FBXW11: variants seen among roughly 807,000 people sequenced by gnomAD.
The protein encoded by FBXW11 is F-box/WD repeat-containing protein 11.
In FBXW11, 19 loss-of-function variants were observed where a neutral mutation model predicts 77.6. The ratio of observed to expected loss-of-function variants is 0.24; its 90% CI spans 0.17 to 0.36. The LOEUF is 0.36. Ranked by LOEUF, FBXW11 falls within the 10% of genes least tolerant of loss-of-function variation. FBXW11 has a pLI of 1.00. For synonymous variants in FBXW11, 235 were observed against 249.4 expected, an observed-to-expected ratio of 0.94 and a Z score of 0.54; for missense variants, 334 against 704.2, an observed-to-expected ratio of 0.47 and a Z score of 5.95.
chr5:171,991,526 A>G (rs902253784), intron 1 of FBXW11, among the ~76,000 whole-genome samples: 2 of 152,226 alleles, frequency 1.3e-5, no homozygotes, highest in Admixed American at 6.5e-5. Context: ...ATAAGCACAC[A>G]TATCACAGCA....
At chr5:171,943,463 T>C (rs1581234957) in intron 2 of FBXW11, among the ~76,000 whole-genome samples, 1 of 152,128 alleles carries the variant, frequency 6.6e-6, no homozygotes, top group East Asian at 1.9e-4. Context: ...GATCTTCTTT[T>C]TTAGTTTTTA....
intron 1 of FBXW11, among the ~76,000 whole-genome samples, chr5:171,965,452 G>A (rs2113374961): frequency 6.6e-6 from 1 of 151,776 alleles, no homozygotes; most frequent in East Asian, 1.9e-4. Context: ...CTTGAACCCA[G>A]GAGGCAGAGG....
intron 1 of FBXW11, among the ~76,000 whole-genome samples, chr5:171,994,841 C>A (rs1236576578): frequency 6.6e-6 from 1 of 152,102 alleles, no homozygotes; most frequent in Non-Finnish European, 1.5e-5. Flanking sequence ...AGTTTGAGAC[C>A]AGCCTGGCCA....
chr5:171,876,638 GTCTGAC>G lies in FBXW11; in HGVS notation c.972-110_972-105del. 1 of 1,403,670 alleles carries G rather than the reference GTCTGAC, an allele frequency of 7.1e-7. No homozygotes were observed. The highest frequency in any genetic ancestry group is 9.8e-7 in the Non-Finnish European group (1 of 1,024,684). 87.0% of individuals were successfully genotyped at this position (1,403,670 alleles called of 1,614,324 possible). ...GTCTGCAATGGTTTGGATATAGTTT[GTCTGAC>G]TCTACCAAATCTCATGTTGAAATTG... On this transcript the variant is annotated intron_variant, in intron 8 of 13. Transcript: ENST00000517395. The surrounding 1 kb of genome is among the most constrained non-coding windows in gnomAD (Gnocchi z 4.2).
intron 1 of FBXW11, among the ~76,000 whole-genome samples, chr5:171,993,868 A>C (rs1018446514): frequency 6.6e-6 from 1 of 152,230 alleles, no homozygotes; most frequent in East Asian, 1.9e-4. Flanking sequence ...AATTAAAATT[A>C]AAAATTCAGT....
intron 4 of FBXW11, among the ~76,000 whole-genome samples, chr5:171,907,030 G>A (rs1208410241): frequency 1.3e-5 from 2 of 152,192 alleles, no homozygotes; most frequent in Admixed American, 1.3e-4. Flanking sequence ...CCTTTTTGAA[G>A]TACAATCTGT....
chr5:171,900,905 T>C (rs1760073394), intron 4 of FBXW11, among the ~76,000 whole-genome samples: 1 of 152,180 alleles, frequency 6.6e-6, no homozygotes, highest in African/African-American at 2.4e-5. Flanking sequence ...AATGGGAAGA[T>C]GATCAACATG....
intron 1 of FBXW11, among the ~76,000 whole-genome samples, chr5:171,991,677 T>G (rs1323479778): frequency 6.6e-6 from 1 of 152,232 alleles, no homozygotes; most frequent in African/African-American, 2.4e-5. Context: ...TGAGTTTGCA[T>G]AAATGTACAT....
At chr5:171,888,994 T>C (rs992735594) in intron 7 of FBXW11, among the ~76,000 whole-genome samples, 1 of 152,000 alleles carries the variant, frequency 6.6e-6, no homozygotes, top group Non-Finnish European at 1.5e-5. Context: ...GGAACAAAGA[T>C]TGAAAACAAT....
At chr5:172,006,365 G>T in intron 1 of FBXW11, 93 bp downstream of exon 1, 4 of 1,189,384 alleles carry the variant, frequency 3.4e-6, no homozygotes, top group Non-Finnish European at 3.5e-6. Context: ...TCTGGGAAGG[G>T]CCAGAGCCGG....
At chr5:171,977,309 CAA>C (rs58800740) in intron 1 of FBXW11, among the ~76,000 whole-genome samples, 22 of 62,810 alleles carry the variant, frequency 3.5e-4, no homozygotes, top group Non-Finnish European at 3.1e-4. Context: ...GACCATGTCT[CAA>C]AAAAAAAAAA....
intron 2 of FBXW11, among the ~76,000 whole-genome samples, chr5:171,937,654 C>A (rs1288314459): frequency 1.3e-5 from 2 of 151,774 alleles, no homozygotes; most frequent in Non-Finnish European, 2.9e-5. Flanking sequence ...TGGTGAAACC[C>A]CGCCTCTACT....
Position 171,953,489 on chromosome 5 carries a change from C to T in FBXW11, c.147+4108G>A, listed in dbSNP as rs114487591. ...CAGCCATGTCTGACCTTAGACAGAC[C>T]GACCCTGAACAAAAACAGCCTTATC... On this transcript the variant is annotated intron_variant, in intron 2 of 13. Coordinates refer to ENST00000517395, the MANE Select transcript of FBXW11 (RefSeq NM_001378974.1). Among the ~76,000 whole-genome samples, 241 of 152,074 alleles carry T rather than the reference C, an allele frequency of 1.6e-3. 1 individual carries two copies. The highest frequency in any genetic ancestry group is 5.1e-3 in the Admixed American group (78 of 15,264).
intron 3 of FBXW11, 41 bp downstream of exon 3, chr5:171,914,299 ACAG>A (rs1761085729): frequency 2.5e-5 from 38 of 1,516,838 alleles, no homozygotes; most frequent in Non-Finnish European, 3.4e-5. Context: ...CATCCTATCT[ACAG>A]TAAGTCAGTT....
intron 2 of FBXW11, among the ~76,000 whole-genome samples, chr5:171,948,707 T>C (rs1298755278): frequency 1.3e-5 from 2 of 152,250 alleles, no homozygotes; most frequent in Admixed American, 6.5e-5. Flanking sequence ...TAAATGTCTA[T>C]AGTATCAGGT....
intron 2 of FBXW11, among the ~76,000 whole-genome samples, chr5:171,917,217 C>A (rs1047548594): frequency 3.3e-5 from 5 of 152,164 alleles, no homozygotes; most frequent in Admixed American, 6.5e-5. Context: ...CTGCACCCAG[C>A]CAAGAGATGT....
intron 11 of FBXW11, among the ~76,000 whole-genome samples, chr5:171,870,258 T>G (rs1581121828): frequency 6.6e-6 from 1 of 152,284 alleles, no homozygotes; most frequent in East Asian, 1.9e-4. Context: ...GGGAAGTATA[T>G]ATAAGGTCAT....
At chr5:171,921,108 G>A (rs1761569949) in intron 2 of FBXW11, among the ~76,000 whole-genome samples, 2 of 152,154 alleles carry the variant, frequency 1.3e-5, no homozygotes, top group South Asian at 2.1e-4. Context: ...TCTTTCTTCA[G>A]AGCATTTCAA....
intron 3 of FBXW11, among the ~76,000 whole-genome samples, chr5:171,913,807 CCACACACACATACACACACACACA>C (rs1761037623): frequency 2.0e-5 from 2 of 97,864 alleles, no homozygotes; most frequent in Non-Finnish European, 2.2e-5. Flanking sequence ...AAACCCCCAA[CCACACACACATACACACACACACA>C]CACACACACA....
Sources: allele counts gnomAD v4.1 joint callset (sites outside exome capture counted in the v4.1 genomes callset), GRCh38; gene constraint gnomAD v4.1.1; non-coding constraint Gnocchi (gnomAD v3.1); transcripts MANE v1.5; gene names NCBI Gene and HGNC (gene_info 2026-07-23, HGNC 2026-07-21).